The following LHFPL6 variants were observed in gnomAD, a reference collection of about 807,000 sequenced individuals.
LHFPL6 encodes the protein LHFPL tetraspan subfamily member 6, also known as LHFPL tetraspan subfamily member 6 protein.
Under a neutral mutation model 20.6 loss-of-function variants are expected in LHFPL6, and 9 were observed. The ratio of observed to expected loss-of-function variants is 0.44; its 90% CI spans 0.26 to 0.76. LHFPL6 has a LOEUF of 0.76. Among genes scored for constraint, LHFPL6 ranks in the 30% least tolerant of loss-of-function variants. The pLI is 0.20. For missense variants in LHFPL6, 218 were observed against 253.5 expected (o/e 0.86, Z 0.95); for synonymous variants, 105 against 98.7 (o/e 1.06, Z -0.38).
At chr13:39,384,100 C>G (rs1870504843) in intron 2 of LHFPL6, among the ~76,000 whole-genome samples, 1 of 152,236 alleles carries the variant, frequency 6.6e-6, no homozygotes, top group East Asian at 1.9e-4. Flanking sequence ...CTGACTGGTA[C>G]ATGCCCACTC....
At chr13:39,595,454 G>T (rs1167183809) in intron 2 of LHFPL6, among the ~76,000 whole-genome samples, 1 of 152,144 alleles carries the variant, frequency 6.6e-6, no homozygotes, top group Non-Finnish European at 1.5e-5. Context: ...CACCACATCT[G>T]ACTAATTTTC....
At chr13:39,520,343 C>G (rs1870067519) in intron 2 of LHFPL6, among the ~76,000 whole-genome samples, 1 of 152,052 alleles carries the variant, frequency 6.6e-6, no homozygotes, top group Admixed American at 6.5e-5. Flanking sequence ...TCTGACCAGC[C>G]CTCCTATCAG....
At chr13:39,550,866 T>C (rs953278220) in intron 2 of LHFPL6, among the ~76,000 whole-genome samples, 4 of 152,174 alleles carry the variant, frequency 2.6e-5, no homozygotes, top group Non-Finnish European at 4.4e-5. Flanking sequence ...TGTTAGGTTT[T>C]TCTACTAGGA....
chr13:39,599,764 T>C (rs1314352585), intron 2 of LHFPL6, among the ~76,000 whole-genome samples: 3 of 152,222 alleles, frequency 2.0e-5, no homozygotes, highest in Admixed American at 6.5e-5. Context: ...AAATAATCCA[T>C]TGGGGTTCTC....
At chr13:39,495,156 C>T (rs373731093) in intron 2 of LHFPL6, among the ~76,000 whole-genome samples, 4 of 152,198 alleles carry the variant, frequency 2.6e-5, no homozygotes, top group East Asian at 3.8e-4. Flanking sequence ...GTGAACCAAA[C>T]AGGGAAAAGT....
intron 2 of LHFPL6, among the ~76,000 whole-genome samples, chr13:39,566,061 T>C (rs1224920818): frequency 1.3e-5 from 2 of 152,240 alleles, no homozygotes; most frequent in African/African-American, 2.4e-5. Flanking sequence ...AAAGGACTTT[T>C]AGGAACTTGA....
At chr13:39,533,745 G>A (rs1870536154) in intron 2 of LHFPL6, among the ~76,000 whole-genome samples, 1 of 152,176 alleles carries the variant, frequency 6.6e-6, no homozygotes, top group South Asian at 2.1e-4. Context: ...AAGACACGTG[G>A]TCTTCCATAT....
chr13:39,523,493 C>T (rs1352822650), intron 2 of LHFPL6, among the ~76,000 whole-genome samples: 1 of 151,216 alleles, frequency 6.6e-6, no homozygotes, highest in South Asian at 2.1e-4. Context: ...GGCGTGAACC[C>T]GTGGGGCGGA....
intron 3 of LHFPL6, among the ~76,000 whole-genome samples, chr13:39,350,374 C>T (rs555701446): frequency 3.9e-5 from 6 of 152,312 alleles, no homozygotes; most frequent in African/African-American, 1.4e-4. Context: ...ATTTTTCTCT[C>T]TGAGCATGAT....
intron 2 of LHFPL6, among the ~76,000 whole-genome samples, chr13:39,481,914 A>G (rs1168362458): frequency 1.3e-5 from 2 of 152,132 alleles, no homozygotes; most frequent in Admixed American, 6.5e-5. Flanking sequence ...AGCAGTAGAG[A>G]GATGATGGTG....
chr13:39,445,290 T>C (rs1872256644), intron 2 of LHFPL6, among the ~76,000 whole-genome samples: 1 of 152,222 alleles, frequency 6.6e-6, no homozygotes, highest in Non-Finnish European at 1.5e-5. Context: ...TCTATCTCTA[T>C]GCCATATGAC....
rs537894365 is a variant in LHFPL6, at chr13:39,378,467, G to A, written c.445C>T (p.Arg149Trp). The A allele has an allele frequency of 3.0e-5, 49 of 1,613,858 alleles. No individual in the cohort carries two copies. Among genetic ancestry groups the A allele is most frequent in the African/African-American group, 4.0e-5 (3 of 74,970 alleles). Residue 149 changes from arginine (R) to tryptophan (W), a missense_variant, in exon 3 of 4, where the codon CGG (arginine) becomes TGG (tryptophan). Arg to Trp is a moderately radical substitution (Grantham distance 101, BLOSUM62 -3). Coordinates refer to ENST00000379589, the MANE Select transcript of LHFPL6 (RefSeq NM_005780.3). ...CCAGAAGTGTAGCCACAAGTCTGCC[G>A]GACTTCCTCACTGTCCCAGCCCAAG... Reference protein sequence around the residue: ...YPLGWDSEEVRQTCGYTSGQF... With the variant: ...YPLGWDSEEVWQTCGYTSGQF...
intron 3 of LHFPL6, among the ~76,000 whole-genome samples, chr13:39,366,996 G>C (rs1460672039): frequency 2.0e-5 from 3 of 152,200 alleles, no homozygotes; most frequent in Non-Finnish European, 4.4e-5. Context: ...GTTCAGAATA[G>C]AGTGTCTGTG....
chr13:39,521,190 T>C (rs4941933), intron 2 of LHFPL6, among the ~76,000 whole-genome samples: 132,131 of 152,128 alleles, frequency 0.87, 57,527 homozygotes, highest in Middle Eastern at 0.93. Flanking sequence ...GAAATGGAGA[T>C]AAAGGCCATT....
At chr13:39,430,129 T>C (rs1326371894) in intron 2 of LHFPL6, among the ~76,000 whole-genome samples, 1 of 152,234 alleles carries the variant, frequency 6.6e-6, no homozygotes, top group Non-Finnish European at 1.5e-5. Context: ...ACTACTGCAG[T>C]GTATGCTGGG....
intron 3 of LHFPL6, among the ~76,000 whole-genome samples, chr13:39,361,894 G>A (rs79171807): frequency 0.019 from 2,946 of 152,286 alleles, 101 homozygotes; most frequent in African/African-American, 0.067. Context: ...ACGGTTGGGA[G>A]GGCAGCATGT....
intron 3 of LHFPL6, among the ~76,000 whole-genome samples, chr13:39,351,797 T>C (rs1869576008): frequency 6.6e-6 from 1 of 152,236 alleles, no homozygotes; most frequent in African/African-American, 2.4e-5. Context: ...TCAAACTATA[T>C]TCAAATAAAG....
intron 2 of LHFPL6, among the ~76,000 whole-genome samples, chr13:39,548,865 C>T (rs138937537): frequency 6.6e-6 from 1 of 152,090 alleles, no homozygotes; most frequent in Non-Finnish European, 1.5e-5. Context: ...AGGAGCCACT[C>T]TGGAAGCATC....
At chr13:39,601,919 A>G (rs1220724588) in intron 1 of LHFPL6, among the ~76,000 whole-genome samples, 1 of 152,182 alleles carries the variant, frequency 6.6e-6, no homozygotes, top group Non-Finnish European at 1.5e-5. Flanking sequence ...TGGTCTGCGG[A>G]GGCACCCACA....
Sources: gnomAD v4.1 joint callset for allele counts (sites outside exome capture counted in the v4.1 genomes callset) on GRCh38, gnomAD v4.1.1 for gene constraint, MANE v1.5 for transcripts, NCBI Gene and HGNC (gene_info 2026-07-23, HGNC 2026-07-21) for gene names.